Variants in KLHL22 observed in about 807,000 individuals in gnomAD.
KLHL22 encodes the protein kelch like family member 22, also known as kelch-like protein 22.
In KLHL22, 18 loss-of-function variants were observed where a neutral mutation model predicts 60.7. The observed-to-expected ratio is 0.30, with a 90% CI of 0.20 to 0.44. The LOEUF (loss-of-function observed/expected upper bound fraction) is 0.44. Ranked by LOEUF, KLHL22 falls within the 20% of genes least tolerant of loss-of-function variation. KLHL22 has a pLI of 1.00. For synonymous variants in KLHL22, 355 were observed against 354.5 expected, an observed-to-expected ratio of 1.00 and a Z score of -0.01; for missense variants, 596 against 852.3, an observed-to-expected ratio of 0.70 and a Z score of 3.74.
At chr22:20,443,226 G>A (rs1289608431) in intron 6 of KLHL22, among the ~76,000 whole-genome samples, 3 of 152,172 alleles carry the variant, frequency 2.0e-5, no homozygotes, top group Non-Finnish European at 2.9e-5. Flanking sequence ...CTGATTAGCC[G>A]TTTTTGGTTC....
chr22:20,471,292 C>A, intron 3 of KLHL22, 58 bp downstream of exon 3: 1 of 1,540,808 alleles, frequency 6.5e-7, no homozygotes, highest in Non-Finnish European at 8.9e-7. Context: ...GCATCATGGG[C>A]ATCTCAGGGA....
intron 5 of KLHL22, chr22:20,451,528 C>A: frequency 6.3e-7 from 1 of 1,596,500 alleles, no homozygotes; most frequent in Non-Finnish European, 8.6e-7. Flanking sequence ...AGTAGCCCTG[C>A]TGAATGACCG....
At chr22:20,459,841 G>A (rs956087424) in intron 4 of KLHL22, among the ~76,000 whole-genome samples, 1 of 152,214 alleles carries the variant, frequency 6.6e-6, no homozygotes. Flanking sequence ...ATGGAAACAG[G>A]CTAACCAGAG....
intron 1 of KLHL22, chr22:20,493,304 TAGGGGCTA>T (rs757013346): frequency 2.6e-5 from 12 of 464,660 alleles, no homozygotes; most frequent in Admixed American, 4.8e-5. Context: ...GAAACTTAGC[TAGGGGCTA>T]AGGGGGATAT....
At chr22:20,458,704 T>C (rs1446472296) in intron 4 of KLHL22, among the ~76,000 whole-genome samples, 2 of 151,876 alleles carry the variant, frequency 1.3e-5, no homozygotes, top group African/African-American at 4.8e-5. Flanking sequence ...GGAGTGGTCT[T>C]CTCAGGCACG....
Position 20,457,820 on chromosome 22 carries a change from T to C in KLHL22, c.1293A>G (p.Pro431=). ...PATNSWAYVA[P]LKREVYAHAG... ...AGGGCTTCCTTACCTCCCTCTTGAGTGGGGCCACGTATGCCCAGGAGTTGG... is the reference window on the plus strand; with the variant it reads ...AGGGCTTCCTTACCTCCCTCTTGAGCGGGGCCACGTATGCCCAGGAGTTGG... Residue 431 remains proline, a synonymous_variant, in exon 5 of 7, where the codon CCA becomes CCG. Transcript: ENST00000328879. The C allele has an allele frequency of 6.2e-7, 1 of 1,601,114 alleles. No homozygotes were observed. The highest frequency in any genetic ancestry group is 8.5e-7 in the Non-Finnish European group (1 of 1,173,556).
At position 20,489,187 on chromosome 22, in the gene KLHL22, G is replaced by T; in HGVS notation, c.25C>A (p.Gln9Lys). The change falls in exon 2 of 7, where the codon CAG becomes AAG. Residue 9 changes from glutamine (Q) to lysine (K), a missense_variant. Gln to Lys is a moderately conservative substitution (Grantham distance 53). Transcript: ENST00000328879. Reference sequence around the variant, plus strand: ...GGCTGTGCAGGCAACTTGCAGAGCTGGGTGAACTCCTGCTCCTCTGCCATC... The same window carrying T: ...GGCTGTGCAGGCAACTTGCAGAGCTTGGTGAACTCCTGCTCCTCTGCCATC... MAEEQEFT[Q>K]LCKLPAQPSH... 1 of 1,614,096 alleles carries T rather than the reference G, an allele frequency of 6.2e-7. No homozygotes were observed. The highest frequency in any genetic ancestry group is 1.1e-5 in the South Asian group (1 of 91,080).
At chr22:20,449,716 T>G (rs535218629) in intron 5 of KLHL22, among the ~76,000 whole-genome samples, 1 of 152,236 alleles carries the variant, frequency 6.6e-6, no homozygotes, top group East Asian at 1.9e-4. Context: ...GTTTATTGAG[T>G]TTTAAGAGTT....
intron 3 of KLHL22, among the ~76,000 whole-genome samples, chr22:20,466,369 G>A (rs544954712): frequency 2.9e-3 from 215 of 74,196 alleles, no homozygotes; most frequent in African/African-American, 9.9e-3. Flanking sequence ...GCGAGACTCC[G>A]TCTAAAAAAA....
chr22:20,464,743 G>A, intron 4 of KLHL22, 115 bp downstream of exon 4: 1 of 663,770 alleles, frequency 1.5e-6, no homozygotes, highest in South Asian at 2.0e-5. Context: ...ATTCCACAAT[G>A]GCAAGTGATG....
intron 4 of KLHL22, among the ~76,000 whole-genome samples, chr22:20,464,601 CAA>C (rs1280259439): frequency 2.0e-5 from 3 of 152,148 alleles, no homozygotes; most frequent in Non-Finnish European, 4.4e-5. Context: ...TAGCCTACCC[CAA>C]AGAGGCTGAG....
intron 5 of KLHL22, among the ~76,000 whole-genome samples, chr22:20,455,895 C>T (rs367974468): frequency 2.6e-5 from 4 of 152,208 alleles, no homozygotes; most frequent in African/African-American, 9.6e-5. Flanking sequence ...TCATGTAAGC[C>T]TCCTGTAAGG....
intron 5 of KLHL22, chr22:20,451,292 G>A (rs1448004011): frequency 2.4e-5 from 38 of 1,606,698 alleles, no homozygotes; most frequent in South Asian, 3.3e-5. Context: ...GGAAGCAGGC[G>A]TCACACCAGT....
chr22:20,454,550 T>A (rs1425334786), intron 5 of KLHL22, among the ~76,000 whole-genome samples: 1 of 152,166 alleles, frequency 6.6e-6, no homozygotes. Context: ...GGAGGAAAGC[T>A]TAAGTTTCAG....
intron 1 of KLHL22, chr22:20,493,200 C>T (rs2053718440): frequency 2.1e-6 from 1 of 471,348 alleles, no homozygotes; most frequent in East Asian, 6.9e-5. Context: ...TAAATGGCAG[C>T]TACTCCCTAA....
intron 5 of KLHL22, chr22:20,450,424 G>A: frequency 2.0e-6 from 3 of 1,526,358 alleles, no homozygotes; most frequent in South Asian, 2.2e-5. Flanking sequence ...CATGGAGAAT[G>A]TACAGGAACT....
chr22:20,480,515 A>ATGC (rs758030733), intron 2 of KLHL22, among the ~76,000 whole-genome samples: 1 of 152,186 alleles, frequency 6.6e-6, no homozygotes, highest in Non-Finnish European at 1.5e-5. Context: ...GCAAACCAGT[A>ATGC]TGCTGCCTCT....
chr22:20,481,200 T>C (rs2053495504), intron 2 of KLHL22: 1 of 152,222 alleles, frequency 6.6e-6, no homozygotes, highest in African/African-American at 2.4e-5. Flanking sequence ...TGATTGTTCA[T>C]AGTCAGTAAC....
At chr22:20,452,116 T>C (rs2052989136) in intron 5 of KLHL22, among the ~76,000 whole-genome samples, 1 of 151,986 alleles carries the variant, frequency 6.6e-6, no homozygotes. Context: ...ATTTCTAACT[T>C]ACCACGTGCT....
Sources: gnomAD v4.1 joint callset for allele counts (sites outside exome capture counted in the v4.1 genomes callset) on GRCh38, gnomAD v4.1.1 for gene constraint, MANE v1.5 for transcripts, NCBI Gene and HGNC (gene_info 2026-07-23, HGNC 2026-07-21) for gene names.